Variants in POF1B observed in about 807,000 individuals in gnomAD.
The protein encoded by POF1B is POF1B actin binding protein, also known as protein POF1B.
In POF1B, 53 loss-of-function variants were observed where a neutral mutation model predicts 55.3. That is an observed-to-expected ratio of 0.96 (90% CI 0.77 to 1.20). The LOEUF (loss-of-function observed/expected upper bound fraction) is 1.20. Among genes scored for constraint, POF1B ranks in the 50% most tolerant of loss-of-function variants. The pLI is 0.00. For missense variants in POF1B, 478 were observed against 420.5 expected, an observed-to-expected ratio of 1.14 and a Z score of -1.20; for synonymous variants, 188 against 148.3, an observed-to-expected ratio of 1.27 and a Z score of -1.95.
intron 15 of POF1B, among the ~76,000 whole-genome samples, chrX:85,295,783 C>T (rs1932296335): frequency 9.0e-6 from 1 of 111,724 alleles, no homozygotes; most frequent in Admixed American, 9.5e-5. Flanking sequence ...TGTCAGTTTC[C>T]TGCCTCAGTG....
chrX:85,351,297 A>G, intron 5 of POF1B, 53 bp downstream of exon 5: 1 of 856,488 alleles, frequency 1.2e-6, no homozygotes, highest in Non-Finnish European at 1.7e-6. Context: ...CTATTAAAAT[A>G]CAATTCAAAA....
intron 4 of POF1B, among the ~76,000 whole-genome samples, chrX:85,356,239 C>T (rs1380494078): frequency 9.6e-6 from 1 of 104,694 alleles, no homozygotes; most frequent in Non-Finnish European, 1.9e-5. Context: ...TGTTCTCACT[C>T]ATAGGTGGGA....
In POF1B at chrX:85,284,073, A is replaced by T. The variant is rs775940060; in HGVS notation, c.1650-1756T>A. Among the ~76,000 whole-genome samples, 61 of 111,197 alleles carry T rather than the reference A, an allele frequency of 5.5e-4. 2 individuals carry two copies. The South Asian group carries it at 0.022, about 41-fold the overall frequency. On this transcript the variant is annotated intron_variant, in intron 15 of 16. Coordinates refer to ENST00000262753, the MANE Select transcript of POF1B (RefSeq NM_024921.4). ...CCCATTCACAATTGCTTCAAAGAGA[A>T]TAAAATACCTAGGAATCCAACTTAC...
At chrX:85,296,011 T>C (rs1932300180) in intron 15 of POF1B, among the ~76,000 whole-genome samples, 1 of 112,388 alleles carries the variant, frequency 8.9e-6, no homozygotes, top group Non-Finnish European at 1.9e-5. Context: ...CTTTCTTGAT[T>C]GTTGTGGATT....
At chrX:85,281,669 G>C (rs1197629825) in intron 16 of POF1B, among the ~76,000 whole-genome samples, 7 of 108,518 alleles carry the variant, frequency 6.5e-5, no homozygotes, top group Non-Finnish European at 1.1e-4. Context: ...TAAGGCTGGA[G>C]GATGTTACAG....
At chrX:85,312,412 C>A (rs148958913) in intron 9 of POF1B, among the ~76,000 whole-genome samples, 9,254 of 111,338 alleles carry the variant, frequency 0.083, 857 homozygotes, top group African/African-American at 0.27. Context: ...GTTTTCCCAG[C>A]ATTATTTATT....
chrX:85,321,419 A>G (rs1932836611), intron 7 of POF1B, among the ~76,000 whole-genome samples: 2 of 110,424 alleles, frequency 1.8e-5, no homozygotes, highest in Non-Finnish European at 3.8e-5. Context: ...CTCTCAATAA[A>G]TTAGGTATTG....
At chrX:85,357,008 C>T (rs1855692486) in intron 4 of POF1B, among the ~76,000 whole-genome samples, 1 of 111,476 alleles carries the variant, frequency 9.0e-6, no homozygotes, top group Non-Finnish European at 1.9e-5. Flanking sequence ...TTTGTGGTTA[C>T]ATTTGTATTC....
intron 4 of POF1B, among the ~76,000 whole-genome samples, chrX:85,356,114 G>T (rs901572155): frequency 7.2e-5 from 8 of 111,283 alleles, no homozygotes; most frequent in African/African-American, 2.6e-4. Flanking sequence ...ATACACCATA[G>T]AATACTATGC....
At chrX:85,286,988 A>G (rs1932068007) in intron 15 of POF1B, among the ~76,000 whole-genome samples, 1 of 111,605 alleles carries the variant, frequency 9.0e-6, no homozygotes, top group African/African-American at 3.2e-5. Context: ...AAAAATTTAA[A>G]TCTAAAAAAC....
At position 85,331,003 on chromosome X, in the gene POF1B, T is replaced by G. The variant is rs745943947; in HGVS notation, c.800A>C (p.Lys267Thr). ...FGELLADLSR[K>T]NTDLYHCLLE... ...TAAGCAGTGATATAGATCCGTATTC[T>G]TACGGCTCAGATCAGCAAGCAACTC... Residue 267 changes from lysine to threonine, a missense_variant, in exon 7 of 17, where the codon AAG (lysine) becomes ACG (threonine). By Grantham distance (78) the Lys-to-Thr change is moderately conservative. Transcript: ENST00000262753. 8.3e-6 allele frequency: 10 copies of G among 1,203,458 alleles called. No homozygotes were observed. Among genetic ancestry groups the G allele is most frequent in the Non-Finnish European group, 1.0e-5 (9 of 891,145 alleles).
intron 6 of POF1B, 73 bp from the exon 7 acceptor site, chrX:85,331,152 C>A: frequency 3.9e-6 from 4 of 1,031,943 alleles, no homozygotes; most frequent in Non-Finnish European, 3.9e-6. Context: ...TTATGTGAAG[C>A]GAAAGAAAGA....
At position 85,365,751 on chromosome X, in the gene POF1B, A is replaced by T. The variant is rs193077906; in HGVS notation, c.357+1941T>A. 3.6e-5 allele frequency among the ~76,000 whole-genome samples: 4 copies of T among 111,536 alleles called. No homozygotes were observed. The East Asian group carries it at 8.5e-4, about 24-fold the overall frequency. ...TCCATTACAGCTCTATGGCGATATC[A>T]GTGTTTGTTTTCTCCTCAACTTGGA... On this transcript the variant is annotated intron_variant, in intron 3 of 16. Transcript: ENST00000262753.
At chrX:85,348,586 A>G (rs1440820563) in intron 5 of POF1B, among the ~76,000 whole-genome samples, 1 of 111,119 alleles carries the variant, frequency 9.0e-6, no homozygotes, top group African/African-American at 3.3e-5. Flanking sequence ...GTTTATCTCC[A>G]CCAATGAGGA....
intron 6 of POF1B, among the ~76,000 whole-genome samples, chrX:85,343,223 G>A (rs768996620): frequency 2.2e-4 from 24 of 109,331 alleles, no homozygotes; most frequent in South Asian, 1.2e-3. Context: ...GAAAAAAAGC[G>A]GAATTTAATA....
At chrX:85,320,375 G>A (rs1284735110) in intron 7 of POF1B, among the ~76,000 whole-genome samples, 1 of 110,686 alleles carries the variant, frequency 9.0e-6, no homozygotes, top group Non-Finnish European at 1.9e-5. Flanking sequence ...CAGAAATAAA[G>A]ATGTTCTTTG....
intron 15 of POF1B, among the ~76,000 whole-genome samples, chrX:85,292,461 G>C (rs767248742): frequency 9.0e-6 from 1 of 111,702 alleles, no homozygotes; most frequent in African/African-American, 3.3e-5. Flanking sequence ...GAACGAGCTA[G>C]GGAGGAGTCC....
intron 2 of POF1B, among the ~76,000 whole-genome samples, chrX:85,376,112 C>T (rs1385336808): frequency 9.0e-6 from 1 of 111,557 alleles, no homozygotes; most frequent in Non-Finnish European, 1.9e-5. Flanking sequence ...ACTTAATAAA[C>T]ATGTATTCAG....
At chrX:85,334,400 G>A (rs1019744930) in intron 6 of POF1B, among the ~76,000 whole-genome samples, 4 of 111,413 alleles carry the variant, frequency 3.6e-5, no homozygotes, top group Admixed American at 9.6e-5. Flanking sequence ...AAGGAATACA[G>A]GCTGTGCTGA....
Sources: allele counts gnomAD v4.1 joint callset (sites outside exome capture counted in the v4.1 genomes callset), GRCh38; gene constraint gnomAD v4.1.1; transcripts MANE v1.5; gene names NCBI Gene and HGNC (gene_info 2026-07-23, HGNC 2026-07-21).